The following CACNA1S variants were observed in gnomAD, a reference collection of about 807,000 sequenced individuals.
The protein encoded by CACNA1S is voltage-dependent L-type calcium channel subunit alpha-1S.
In CACNA1S, 126 loss-of-function variants were observed where a neutral mutation model predicts 207.4. That is an observed-to-expected ratio of 0.61 (90% CI 0.53 to 0.70). The LOEUF (loss-of-function observed/expected upper bound fraction) is 0.70, where lower values mean the gene tolerates loss of function less well. CACNA1S is among the 30% of genes least tolerant of loss of function. The pLI is 0.00. For synonymous variants in CACNA1S, 960 were observed against 932.7 expected, an observed-to-expected ratio of 1.03 and a Z score of -0.53; for missense variants, 2,349 against 2,422.8, an observed-to-expected ratio of 0.97 and a Z score of 0.64.
intron 35 of CACNA1S, 83 bp from the exon 36 acceptor site, chr1:201,048,767 G>T: frequency 8.3e-7 from 1 of 1,204,952 alleles, no homozygotes. Flanking sequence ...TCTGTGGACC[G>T]GGAGGGGACG....
intron 36 of CACNA1S, 73 bp from the exon 37 acceptor site, chr1:201,047,699 G>T: frequency 1.0e-6 from 1 of 961,876 alleles, no homozygotes; most frequent in Non-Finnish European, 1.7e-6. Flanking sequence ...AGTTCTTTCT[G>T]AACCTTTCAG....
At chr1:201,042,220 C>T (rs755874902) in intron 40 of CACNA1S, among the ~76,000 whole-genome samples, 12 of 152,340 alleles carry the variant, frequency 7.9e-5, no homozygotes, top group Non-Finnish European at 1.5e-4. Flanking sequence ...CTGCAACCTC[C>T]ACTTCTTGAG....
intron 34 of CACNA1S, 116 bp downstream of exon 34, chr1:201,050,273 T>G: frequency 8.9e-7 from 1 of 1,118,088 alleles, no homozygotes; most frequent in Non-Finnish European, 1.4e-6. Flanking sequence ...CTCAGATAAA[T>G]GAAGGGGGAA....
chr1:201,080,595 T>C (rs1474306711), intron 10 of CACNA1S, among the ~76,000 whole-genome samples: 1 of 152,228 alleles, frequency 6.6e-6, no homozygotes, highest in Non-Finnish European at 1.5e-5. Context: ...TTTATTTTCC[T>C]TCTTTTACCT....
chr1:201,089,459 G>A lies in CACNA1S; in HGVS notation c.699C>T (p.Ile233=), dbSNP rs756008578. The change falls in exon 6 of 44, where the codon ATC becomes ATT. Residue 233 remains isoleucine (I), a synonymous_variant. Transcript: ENST00000362061. ...HKTCYFIGTD[I]VATVENEEPS... ...GCTCTTCATTCTCCACCGTGGCCAC[G>A]ATATCTGGAGGCAGAAGGCAAAGGG... The A allele has an allele frequency of 1.4e-5, 22 of 1,613,676 alleles. No homozygotes were observed. The highest frequency in any genetic ancestry group is 3.3e-5 in the Admixed American group (2 of 59,994).
intron 19 of CACNA1S, among the ~76,000 whole-genome samples, chr1:201,068,572 G>A (rs1257100272): frequency 6.7e-6 from 1 of 150,208 alleles, no homozygotes; most frequent in Non-Finnish European, 1.5e-5. Context: ...TAACTGTATG[G>A]AAGAAAAATG....
At chr1:201,059,155 G>A (rs984440746) in intron 27 of CACNA1S, 34 bp downstream of exon 27, 8 of 1,393,980 alleles carry the variant, frequency 5.7e-6, no homozygotes, top group Non-Finnish European at 8.2e-6. Context: ...ACCAGCCCCA[G>A]CTTCTCATCT....
Position 201,069,466 on chromosome 1 carries a change from C to A in CACNA1S, c.2490+6G>T. Reference sequence around the variant, plus strand: ...GCTGAGTGGCAGAGAGGGTGAAGCCCGTCACCTGATTTCTCATGGAATCAG... The same window carrying A: ...GCTGAGTGGCAGAGAGGGTGAAGCCAGTCACCTGATTTCTCATGGAATCAG... On this transcript the variant is annotated splice_donor_region_variant and intron_variant, in intron 18 of 43. Coordinates refer to ENST00000362061, the MANE Select transcript of CACNA1S (RefSeq NM_000069.3). 6.2e-7 allele frequency: 1 copy of A among 1,605,890 alleles called. No individual in the cohort carries two copies. The highest frequency in any genetic ancestry group is 8.5e-7 in the Non-Finnish European group (1 of 1,177,340).
At chr1:201,044,956 C>G (rs983699197) in intron 38 of CACNA1S, among the ~76,000 whole-genome samples, 1 of 152,184 alleles carries the variant, frequency 6.6e-6, no homozygotes. Context: ...TCTGGGATAG[C>G]CCACACCTTA....
Position 201,053,105 on chromosome 1 carries a change from C to A in CACNA1S, c.3861+104G>T, listed in dbSNP as rs932710356. ...TTTCTCACGAGCAAGGCAGGGAGGG[C>A]GGAGGGTCCAGCCCGTGTGCTGCTC... On this transcript the variant is annotated intron_variant, in intron 31 of 43. Transcript: ENST00000362061. This position sits in a 1 kb window ranked among gnomAD's most constrained non-coding sequence, Gnocchi z 5.1. 15 of 1,288,300 alleles carry A rather than the reference C, an allele frequency of 1.2e-5. No homozygotes were observed. In the South Asian group the frequency reaches 1.8e-4, roughly 15 times the overall value. 79.8% of individuals were successfully genotyped at this position (1,288,300 alleles called of 1,614,324 possible). A position where few individuals can be genotyped will look rare whatever the true frequency, so the allele number is the denominator to read the frequency against.
intron 2 of CACNA1S, among the ~76,000 whole-genome samples, chr1:201,107,145 C>G (rs10920120): frequency 0.048 from 7,382 of 152,334 alleles, 623 homozygotes; most frequent in African/African-American, 0.17. Context: ...CAATGGACTT[C>G]ACTTACAAAT....
At chr1:201,086,868 T>C (rs990663099) in intron 7 of CACNA1S, among the ~76,000 whole-genome samples, 1 of 152,236 alleles carries the variant, frequency 6.6e-6, no homozygotes, top group Admixed American at 6.5e-5. Flanking sequence ...TTAGGACAAG[T>C]CATAGGCCCT....
At chr1:201,064,486 G>C (rs1184820184) in intron 22 of CACNA1S, among the ~76,000 whole-genome samples, 1 of 152,226 alleles carries the variant, frequency 6.6e-6, no homozygotes, top group Non-Finnish European at 1.5e-5. Context: ...AAGGCCCTCA[G>C]CTCTAGCAGA....
At chr1:201,070,183 G>C (rs1558067870) in intron 17 of CACNA1S, 89 bp downstream of exon 17, 2 of 1,369,846 alleles carry the variant, frequency 1.5e-6, no homozygotes, top group African/African-American at 2.8e-5. Context: ...ATAACTGTAG[G>C]CATGGAGAGT....
intron 27 of CACNA1S, 96 bp from the exon 28 acceptor site, chr1:201,058,587 G>T: frequency 1.0e-6 from 1 of 990,926 alleles, no homozygotes; most frequent in Non-Finnish European, 1.6e-6. Flanking sequence ...GAGCTAATGC[G>T]GAGCTGCGGG....
Position 201,092,042 on chromosome 1 carries a change from G to T in CACNA1S, c.471C>A (p.Ala157=). 1 of 1,614,096 alleles carries T rather than the reference G, an allele frequency of 6.2e-7. No individual in the cohort carries two copies. The highest frequency in any genetic ancestry group is 1.3e-5 in the African/African-American group (1 of 75,014). The stretch of plus-strand genomic sequence containing the variant: ...CTCTGAGGGCCTTGACATCCAAGCC[G>T]GCTCCTTTGCTGCTCATTGGGGCTG... ...SHTAPMSSKG[A]GLDVKALRAF... Residue 157 remains alanine, a synonymous_variant, in exon 4 of 44, where the codon GCC becomes GCA. Coordinates refer to ENST00000362061, the MANE Select transcript of CACNA1S (RefSeq NM_000069.3).
chr1:201,103,117 G>A (rs894058599), intron 2 of CACNA1S, among the ~76,000 whole-genome samples: 8 of 152,212 alleles, frequency 5.3e-5, no homozygotes, highest in African/African-American at 1.9e-4. Flanking sequence ...GTGGTGACGT[G>A]TGCCTGTAGT....
chr1:201,048,598 G>A lies in CACNA1S; in HGVS notation c.4425C>T (p.Leu1475=), dbSNP rs1553248697. The change falls in exon 36 of 44, where the codon CTC becomes CTT. Residue 1475 remains leucine, a synonymous_variant. Transcript: ENST00000362061. ...CACTCTCACCTTCCGTCTTGATCTT[G>A]AGTGCCGTGCGGACCAGGGCAAAGA... ...ATLFALVRTA[L]KIKTEGNFEQ... is the part of the protein sequence containing the mutation. The A allele has an allele frequency of 3.7e-6, 6 of 1,613,612 alleles. No individual in the cohort carries two copies. Among genetic ancestry groups the A allele is most frequent in the Non-Finnish European group, 5.1e-6 (6 of 1,179,660 alleles).
intron 38 of CACNA1S, 126 bp downstream of exon 38, chr1:201,046,989 C>CT (rs1660491422): frequency 7.6e-7 from 1 of 1,314,542 alleles, no homozygotes; most frequent in Non-Finnish European, 1.1e-6. Context: ...TTTTTTCACT[C>CT]TTCTGGGCTT....
Sources: allele counts gnomAD v4.1 joint callset (sites outside exome capture counted in the v4.1 genomes callset), GRCh38; gene constraint gnomAD v4.1.1; non-coding constraint Gnocchi (gnomAD v3.1); transcripts MANE v1.5; gene names NCBI Gene and HGNC (gene_info 2026-07-23, HGNC 2026-07-21).